Variants in PTPRQ observed in about 807,000 individuals in gnomAD.
PTPRQ encodes the protein protein tyrosine phosphatase receptor type Q.
Under a neutral mutation model 246.0 loss-of-function variants are expected in PTPRQ, and 199 were observed. That is an observed-to-expected ratio of 0.81 (90% confidence interval 0.72 to 0.91). The LOEUF is 0.91. Among genes scored for constraint, PTPRQ ranks in the 40% least tolerant of loss-of-function variants. The pLI is 0.00. For missense variants in PTPRQ, 2,624 were observed against 2,528.4 expected (o/e 1.04, Z -0.81); for synonymous variants, 869 against 853.2 (o/e 1.02, Z -0.32).
chr12:80,673,352 C>T, intron 43 of PTPRQ, 48 bp downstream of exon 43: 1 of 1,518,516 alleles, frequency 6.6e-7, no homozygotes, highest in Non-Finnish European at 8.8e-7. Context: ...AGAATTTCCA[C>T]ATGGGAGATC....
chr12:80,604,829 G>A (rs1218034844), intron 26 of PTPRQ, among the ~76,000 whole-genome samples: 1 of 151,378 alleles, frequency 6.6e-6, no homozygotes, highest in Non-Finnish European at 1.5e-5. Context: ...ATGAACTTAT[G>A]ATTTTAATTA....
At chr12:80,494,907 T>A (rs1894562209) in intron 10 of PTPRQ, 26 bp from the exon 11 acceptor site, 3 of 1,500,070 alleles carry the variant, frequency 2.0e-6, no homozygotes, top group East Asian at 5.0e-5. Context: ...CCTTTCTTTT[T>A]TTCTCTTTTT....
chr12:80,449,407 T>G (rs1263433255), intron 3 of PTPRQ, among the ~76,000 whole-genome samples: 1 of 152,208 alleles, frequency 6.6e-6, no homozygotes, highest in African/African-American at 2.4e-5. Context: ...ATTTTGTCTT[T>G]TGTTGCCATT....
chr12:80,491,809 T>TCCTA (rs1894458548), intron 9 of PTPRQ, among the ~76,000 whole-genome samples: 1 of 151,904 alleles, frequency 6.6e-6, no homozygotes, highest in Admixed American at 6.6e-5. Context: ...GCTTTGATAT[T>TCCTA]CCTAAGGCCT....
At chr12:80,460,082 G>T (rs561024998) in intron 5 of PTPRQ, among the ~76,000 whole-genome samples, 1 of 152,216 alleles carries the variant, frequency 6.6e-6, no homozygotes, top group East Asian at 1.9e-4. Context: ...GCATAATAAT[G>T]CTTTTCCTAA....
At chr12:80,512,078 G>C (rs1205603249) in intron 17 of PTPRQ, among the ~76,000 whole-genome samples, 1 of 152,194 alleles carries the variant, frequency 6.6e-6, no homozygotes, top group Non-Finnish European at 1.5e-5. Context: ...ACAGGACTTG[G>C]TGATGGATTG....
At chr12:80,530,050 G>A (rs956563966) in intron 17 of PTPRQ, among the ~76,000 whole-genome samples, 4 of 152,058 alleles carry the variant, frequency 2.6e-5, no homozygotes, top group Admixed American at 2.6e-4. Context: ...CTTTGGATAT[G>A]TAAGAGTTAG....
At chr12:80,492,745 G>C (rs1452358214) in intron 9 of PTPRQ, among the ~76,000 whole-genome samples, 1 of 151,910 alleles carries the variant, frequency 6.6e-6, no homozygotes, top group Non-Finnish European at 1.5e-5. Context: ...CATGAATCCT[G>C]TGTGAAAACT....
intron 25 of PTPRQ, among the ~76,000 whole-genome samples, chr12:80,580,195 C>A (rs935633681): frequency 6.6e-6 from 1 of 152,140 alleles, no homozygotes; most frequent in Admixed American, 6.5e-5. Context: ...AAACCTATAA[C>A]AAATTCTTGC....
intron 27 of PTPRQ, among the ~76,000 whole-genome samples, chr12:80,607,045 A>C (rs1215001869): frequency 6.6e-6 from 1 of 151,022 alleles, no homozygotes; most frequent in African/African-American, 2.4e-5. Flanking sequence ...CAAAGTGAGC[A>C]AGGGAAAGAG....
At chr12:80,506,233 A>G in intron 15 of PTPRQ, 27 bp downstream of exon 15, 1 of 1,441,460 alleles carries the variant, frequency 6.9e-7, no homozygotes. Flanking sequence ...AATATTGGAT[A>G]TTTGCATTTA....
intron 17 of PTPRQ, among the ~76,000 whole-genome samples, chr12:80,520,061 G>A (rs978193492): frequency 3.9e-5 from 6 of 152,218 alleles, no homozygotes; most frequent in Admixed American, 3.3e-4. Context: ...CTTAACCCTT[G>A]CCTGACATGG....
At chr12:80,612,511 T>C (rs1254523005) in intron 28 of PTPRQ, among the ~76,000 whole-genome samples, 1 of 150,412 alleles carries the variant, frequency 6.6e-6, no homozygotes, top group African/African-American at 2.4e-5. Context: ...AAGGTAATAA[T>C]TTAAAATATG....
At chr12:80,454,503 T>C (rs1339150109) in intron 3 of PTPRQ, 1 of 702,472 alleles carries the variant, frequency 1.4e-6, no homozygotes, top group East Asian at 2.7e-5. Flanking sequence ...TCCAGTACTG[T>C]GTTCAATAGG....
Position 80,535,071 on chromosome 12 carries a change from A to T in PTPRQ, c.2985+34A>T. The T allele has an allele frequency of 2.0e-6, 3 of 1,470,684 alleles. No individual in the cohort carries two copies. In the South Asian group the frequency reaches 4.3e-5, roughly 21 times the overall value. The allele number at this position is 1,470,684 out of a possible 1,614,324, so 91.1% of individuals were successfully genotyped here. On this transcript the variant is annotated intron_variant, in intron 19 of 44. Coordinates refer to ENST00000644991, the MANE Select transcript of PTPRQ (RefSeq NM_001145026.2). Reference sequence around the variant, plus strand: ...TGAATTTTCTTCTAGTTCTTTATTAACATCCTTAAGTTTTATTAATAATAC... The same window carrying T: ...TGAATTTTCTTCTAGTTCTTTATTATCATCCTTAAGTTTTATTAATAATAC...
chr12:80,520,110 G>A (rs118122539), intron 17 of PTPRQ, among the ~76,000 whole-genome samples: 1,663 of 152,054 alleles, frequency 0.011, 16 homozygotes, highest in Non-Finnish European at 0.018. Flanking sequence ...TTATTGTCAC[G>A]AACAGTCTGT....
rs1253928905 is a variant in PTPRQ, at chr12:80,639,578, GTCT to G, written c.5915+4511_5915+4513del. Among the ~76,000 whole-genome samples, 11 of 152,234 alleles carry G rather than the reference GTCT, an allele frequency of 7.2e-5. No individual in the cohort carries two copies. In the East Asian group the frequency reaches 2.1e-3, roughly 29 times the overall value. ...TGGAAAAATTTCTATTTTAAGAGAA[GTCT>G]TCTTCAATAATTTTCTTTCTTCAGT... On this transcript the variant is annotated intron_variant, in intron 35 of 44. Transcript: ENST00000644991.
At chr12:80,463,530 C>A (rs973955391) in intron 6 of PTPRQ, among the ~76,000 whole-genome samples, 12 of 152,082 alleles carry the variant, frequency 7.9e-5, no homozygotes, top group African/African-American at 2.4e-4. Flanking sequence ...CACAAAGATA[C>A]TCCTTGAGAA....
At chr12:80,624,530 A>G (rs894615197) in intron 33 of PTPRQ, among the ~76,000 whole-genome samples, 1 of 152,188 alleles carries the variant, frequency 6.6e-6, no homozygotes, top group Non-Finnish European at 1.5e-5. Context: ...AATCAAAGGA[A>G]CTTGCTTGGT....
Sources: allele counts gnomAD v4.1 joint callset (sites outside exome capture counted in the v4.1 genomes callset), GRCh38; gene constraint gnomAD v4.1.1; transcripts MANE v1.5; gene names NCBI Gene and HGNC (gene_info 2026-07-23, HGNC 2026-07-21).